Variants in MLPH observed in about 807,000 individuals in gnomAD.
MLPH encodes the protein exophilin-3.
In MLPH, 51 loss-of-function variants were observed where a neutral mutation model predicts 72.1. The observed-to-expected ratio is 0.71, with a 90% CI of 0.56 to 0.89. The LOEUF is 0.89. MLPH is among the 40% of genes least tolerant of loss of function. The pLI, the probability that MLPH is intolerant of heterozygous loss-of-function variation, is 0.00. For missense variants in MLPH, 743 were observed against 759.9 expected (o/e 0.98, Z 0.26); for synonymous variants, 301 against 310.1 (o/e 0.97, Z 0.31).
chr2:237,520,791 A>G lies in MLPH; in HGVS notation c.675+762A>G, dbSNP rs148613102. Among the ~76,000 whole-genome samples the G allele has an allele frequency of 3.9e-3, 589 of 152,364 alleles. 5 individuals carry two copies. Among genetic ancestry groups the G allele is most frequent in the Non-Finnish European group, 4.0e-3 (272 of 68,038 alleles). ...AATGGAGGCTGAAATTTGGGTTTGC[A>G]TAAAGGTCTTTGGTATAGACTTTTC... On this transcript the variant is annotated intron_variant, in intron 6 of 15. Coordinates refer to ENST00000264605, the MANE Select transcript of MLPH (RefSeq NM_024101.7).
Position 237,540,522 on chromosome 2 carries a change from G to A in MLPH, c.1279G>A (p.Ala427Thr). 1 of 1,611,312 alleles carries A rather than the reference G, an allele frequency of 6.2e-7. No individual in the cohort carries two copies. The highest frequency in any genetic ancestry group is 8.5e-7 in the Non-Finnish European group (1 of 1,179,716). Residue 427 changes from alanine (A) to threonine (T), a missense_variant, in exon 10 of 16, where the codon GCG becomes ACG. By Grantham distance (58) the Ala-to-Thr change is moderately conservative. Transcript: ENST00000264605. Reference sequence around the variant, plus strand: ...CAAATCAGTTGGGCCTCTCCCCCAGGCGGACCCGGAGGTAAGACTATCCCC... The same window carrying A: ...CAAATCAGTTGGGCCTCTCCCCCAGACGGACCCGGAGGTAAGACTATCCCC... ...RDKSVGPLPQADPEVGTAAHQ... is the reference protein window; with the variant it reads ...RDKSVGPLPQTDPEVGTAAHQ...
chr2:237,509,671 C>T (rs534451780), intron 2 of MLPH, among the ~76,000 whole-genome samples: 3 of 152,174 alleles, frequency 2.0e-5, no homozygotes, highest in Non-Finnish European at 2.9e-5. Context: ...AGCCTGATTT[C>T]GTGTCCATCT....
chr2:237,532,924 T>C (rs1280187836), intron 8 of MLPH, among the ~76,000 whole-genome samples: 2 of 152,180 alleles, frequency 1.3e-5, no homozygotes, highest in African/African-American at 2.4e-5. Flanking sequence ...CGCTGAGAGA[T>C]TGCAAAGACA....
chr2:237,503,336 G>A (rs964484341), intron 2 of MLPH, among the ~76,000 whole-genome samples: 1 of 152,100 alleles, frequency 6.6e-6, no homozygotes, highest in Admixed American at 6.5e-5. Context: ...GTCTCTCAGC[G>A]CCTGCCGTTC....
At chr2:237,530,912 C>A (rs1352662220) in intron 8 of MLPH, among the ~76,000 whole-genome samples, 4 of 152,234 alleles carry the variant, frequency 2.6e-5, no homozygotes, top group Admixed American at 2.6e-4. Context: ...AGCAGTCAAG[C>A]CTCCACCACC....
rs1479455871 is a variant in MLPH, at chr2:237,540,335, C to A, written c.1105-13C>A. ...GGCTAGCCGAATCCAAATCCACTGG[C>A]CTGTTCTGTCAGGGTCTAGGTGCTG... is the stretch of plus-strand genomic sequence containing the variant. On this transcript the variant is annotated splice_polypyrimidine_tract_variant and intron_variant, in intron 9 of 15. Transcript: ENST00000264605. 6.2e-7 allele frequency: 1 copy of A among 1,613,218 alleles called. No homozygotes were observed.
intron 4 of MLPH, among the ~76,000 whole-genome samples, chr2:237,514,070 G>T (rs2079963550): frequency 6.6e-6 from 1 of 152,132 alleles, no homozygotes; most frequent in African/African-American, 2.4e-5. Flanking sequence ...AGAAAGGGTG[G>T]ACTGCGTGTG....
chr2:237,551,702 G>A (rs1447983217), intron 14 of MLPH, among the ~76,000 whole-genome samples: 2 of 152,220 alleles, frequency 1.3e-5, no homozygotes, highest in East Asian at 3.8e-4. Flanking sequence ...AGGAAGCCAG[G>A]CATGGTGGCT....
chr2:237,551,903 C>T (rs73100976), intron 14 of MLPH: 38,145 of 165,490 alleles, frequency 0.23, 5,440 homozygotes, highest in East Asian at 0.41. Flanking sequence ...CACTTGAACC[C>T]GAGGCAGAGG....
intron 8 of MLPH, among the ~76,000 whole-genome samples, chr2:237,532,632 G>C (rs1315224643): frequency 2.0e-5 from 3 of 152,214 alleles, no homozygotes; most frequent in Non-Finnish European, 1.5e-5. Context: ...TGGTATTGTC[G>C]CGAGTTGAAA....
intron 1 of MLPH, among the ~76,000 whole-genome samples, chr2:237,487,789 C>A (rs1031039849): frequency 1.3e-5 from 2 of 152,208 alleles, no homozygotes; most frequent in African/African-American, 4.8e-5. Context: ...CTGCTGATGC[C>A]AAGTAGGCTG....
chr2:237,550,222 C>T (rs1429184560), intron 14 of MLPH, among the ~76,000 whole-genome samples: 1 of 152,184 alleles, frequency 6.6e-6, no homozygotes, highest in Non-Finnish European at 1.5e-5. Flanking sequence ...TCCCCCGGGG[C>T]TCTCCACCGC....
At chr2:237,525,561 G>A (rs901995067) in intron 6 of MLPH, 40 bp from the exon 7 acceptor site, 1 of 1,605,118 alleles carries the variant, frequency 6.2e-7, no homozygotes, top group Non-Finnish European at 8.5e-7. Flanking sequence ...GCCCCTCCTA[G>A]TAAACCCTGC....
At position 237,541,052 on chromosome 2, in the gene MLPH, G is replaced by C. The variant is rs1424681407; in HGVS notation, c.1446+95G>C. On this transcript the variant is annotated intron_variant, in intron 11 of 15. Coordinates refer to ENST00000264605, the MANE Select transcript of MLPH (RefSeq NM_024101.7). This position sits in a 1 kb window ranked among gnomAD's most constrained non-coding sequence, Gnocchi z 5.1. ...CATCTGCCAGCTCTAACATCCGCCA[G>C]CTCACACTGAGCCCTCCCCATTGGC... 6 of 1,468,622 alleles carry C rather than the reference G, an allele frequency of 4.1e-6. No individual in the cohort carries two copies. The Admixed American group carries it at 1.2e-4, about 29-fold the overall frequency. The allele number at this position is 1,468,622 out of a possible 1,614,324, so 91.0% of individuals were successfully genotyped here. A position where few individuals can be genotyped will look rare whatever the true frequency, so the allele number is the denominator to read the frequency against.
At chr2:237,530,387 A>G (rs2106351032) in intron 8 of MLPH, among the ~76,000 whole-genome samples, 1 of 152,344 alleles carries the variant, frequency 6.6e-6, no homozygotes, top group East Asian at 1.9e-4. Flanking sequence ...AAAAATGAGC[A>G]CCTGAATTTC....
chr2:237,519,719 C>A (rs573269387), intron 5 of MLPH, among the ~76,000 whole-genome samples, 191 bp from the exon 6 acceptor site: 1 of 152,198 alleles, frequency 6.6e-6, no homozygotes, highest in African/African-American at 2.4e-5. Flanking sequence ...TGAGCACCAA[C>A]CAGTCCCCCA....
At position 237,505,423 on chromosome 2, in the gene MLPH, A is replaced by C. The variant is rs952198007; in HGVS notation, c.111-5151A>C. Among the ~76,000 whole-genome samples, 2 of 152,012 alleles carry C rather than the reference A, an allele frequency of 1.3e-5. No individual in the cohort carries two copies. Among genetic ancestry groups the C allele is most frequent in the Admixed American group, 1.3e-4 (2 of 15,268 alleles). ...AGGATCACAGGGATGTGGATTCCCC[A>C]CCACCCCAGCACCCAACGCAAGTGG... On this transcript the variant is annotated intron_variant, in intron 2 of 15. Transcript: ENST00000264605. The surrounding 1 kb of genome is among the most constrained non-coding windows in gnomAD (Gnocchi z 4.5).
chr2:237,540,580 G>A (rs1240847262), intron 10 of MLPH, 47 bp downstream of exon 10: 2 of 1,578,736 alleles, frequency 1.3e-6, no homozygotes, highest in Non-Finnish European at 1.7e-6. Context: ...CAGAGGTAGG[G>A]GCAGGGATGG....
Position 237,510,276 on chromosome 2 carries a change from AAATTGGTAC to A in MLPH, c.111-292_111-284del. 1 of 441,608 alleles carries A rather than the reference AAATTGGTAC, an allele frequency of 2.3e-6. No homozygotes were observed. The highest frequency in any genetic ancestry group is 4.2e-6 in the Non-Finnish European group (1 of 237,920). The allele number at this position is 441,608 out of a possible 1,614,324, so 27.4% of individuals were successfully genotyped here. On this transcript the variant is annotated intron_variant, in intron 2 of 15. Transcript: ENST00000264605. This position sits in a 1 kb window ranked among gnomAD's most constrained non-coding sequence, Gnocchi z 4.4. ...GGAGGGCGCAGTGACCTGCCAACCA[AAATTGGTAC>A]AATTGTAAACAGCCACAGAAATGCT...
Sources: allele counts gnomAD v4.1 joint callset (sites outside exome capture counted in the v4.1 genomes callset), GRCh38; gene constraint gnomAD v4.1.1; non-coding constraint Gnocchi (gnomAD v3.1); transcripts MANE v1.5; gene names NCBI Gene and HGNC (gene_info 2026-07-23, HGNC 2026-07-21).